DYNC1I2: variants seen among roughly 807,000 people sequenced by gnomAD.
DYNC1I2 encodes the protein cytoplasmic dynein 1 intermediate chain 2.
Under a neutral mutation model 88.6 loss-of-function variants are expected in DYNC1I2, and 53 were observed. That is an observed-to-expected ratio of 0.60 (90% CI 0.48 to 0.75). The LOEUF (loss-of-function observed/expected upper bound fraction) is 0.75, where lower values mean the gene tolerates loss of function less well. Among genes scored for constraint, DYNC1I2 ranks in the 30% least tolerant of loss-of-function variants. DYNC1I2 has a pLI of 0.00. For missense variants in DYNC1I2, 458 were observed against 766.6 expected (o/e 0.60, Z 4.75); for synonymous variants, 198 against 254.6 (o/e 0.78, Z 2.12).
intron 12 of DYNC1I2, 95 bp downstream of exon 12, chr2:171,728,062 C>A: frequency 7.2e-7 from 1 of 1,389,870 alleles, no homozygotes; most frequent in Middle Eastern, 1.9e-4. Context: ...TCAGAATGTG[C>A]TTCCTTTGGT....
At chr2:171,692,702 T>C in intron 2 of DYNC1I2, 75 bp from the exon 3 acceptor site, 1 of 994,758 alleles carries the variant, frequency 1.0e-6, no homozygotes, top group Non-Finnish European at 1.5e-6. Flanking sequence ...AGTGTTAGCA[T>C]ATTATTTAAA....
rs529764974 is a variant in DYNC1I2, at chr2:171,707,179, G to GT, written c.245-101dup. The GT allele has an allele frequency of 2.0e-4, 309 of 1,521,722 alleles. 1 individual carries two copies. In the South Asian group the frequency reaches 3.1e-3, roughly 15 times the overall value. 94.3% of individuals were successfully genotyped at this position (1,521,722 alleles called of 1,614,324 possible). ...TATTTTTGATTTTTGGTTTGCCATTGTTTTTTTCTTTTTTGTTAATTACTT... is the reference window on the plus strand; with the variant it reads ...TATTTTTGATTTTTGGTTTGCCATTGTTTTTTTTCTTTTTTGTTAATTACTT... On this transcript the variant is annotated intron_variant, in intron 4 of 17. Transcript: ENST00000397119.
chr2:171,693,548 A>G (rs1685543130), intron 3 of DYNC1I2, among the ~76,000 whole-genome samples: 1 of 152,212 alleles, frequency 6.6e-6, no homozygotes, highest in Non-Finnish European at 1.5e-5. Context: ...ATTATGTAGT[A>G]TTTTAGTTTA....
chr2:171,701,907 A>G (rs1186024839), intron 3 of DYNC1I2, among the ~76,000 whole-genome samples: 1 of 152,216 alleles, frequency 6.6e-6, no homozygotes, highest in Non-Finnish European at 1.5e-5. Context: ...GTTGTGAACT[A>G]TTTGACTTCA....
rs555578576 is a variant in DYNC1I2, at chr2:171,731,549, TC to T, written c.1536+1697del. On this transcript the variant is annotated intron_variant, in intron 15 of 17. Coordinates refer to ENST00000397119, the MANE Select transcript of DYNC1I2 (RefSeq NM_001378.3). ...AGAAGGATTACTTGAGCCCAGGAGT[TC>T]AAGACCAGTTTGGGTAACACAAGGA... Among the ~76,000 whole-genome samples, 161 of 152,270 alleles carry T rather than the reference TC, an allele frequency of 1.1e-3. 1 individual carries two copies. Among genetic ancestry groups the T allele is most frequent in the African/African-American group, 3.6e-3 (150 of 41,558 alleles).
At chr2:171,706,708 C>G (rs1258904253) in intron 4 of DYNC1I2, 144 bp downstream of exon 4, 10 of 691,426 alleles carry the variant, frequency 1.4e-5, no homozygotes, top group East Asian at 2.9e-5. Flanking sequence ...TTTAAAGGAG[C>G]CATTCCTTTA....
At chr2:171,741,241 T>G (rs1277008192) in intron 15 of DYNC1I2, among the ~76,000 whole-genome samples, 1 of 152,220 alleles carries the variant, frequency 6.6e-6, no homozygotes, top group Non-Finnish European at 1.5e-5. Context: ...GCTTTTTGGC[T>G]ATTATGAATC....
chr2:171,743,908 G>C (rs954439145), intron 15 of DYNC1I2, 141 bp from the exon 16 acceptor site: 2 of 687,668 alleles, frequency 2.9e-6, no homozygotes, highest in African/African-American at 3.7e-5. Flanking sequence ...CAAATTGTAG[G>C]AACTTTTTCT....
At chr2:171,694,778 G>A (rs1292219646) in intron 3 of DYNC1I2, among the ~76,000 whole-genome samples, 2 of 152,174 alleles carry the variant, frequency 1.3e-5, no homozygotes, top group Non-Finnish European at 2.9e-5. Flanking sequence ...GCAAAGGGGC[G>A]TCAGCATGTC....
chr2:171,742,053 G>A (rs186132121), intron 15 of DYNC1I2, among the ~76,000 whole-genome samples: 148 of 146,778 alleles, frequency 1.0e-3, no homozygotes, highest in Non-Finnish European at 1.8e-3. Context: ...GCGACAGAGC[G>A]AGACGCGGTC....
chr2:171,729,623 C>CTGATATA, intron 14 of DYNC1I2, 86 bp from the exon 15 acceptor site: 1 of 1,422,238 alleles, frequency 7.0e-7, no homozygotes, highest in Non-Finnish European at 9.7e-7. Flanking sequence ...AAGTCAAGGC[C>CTGATATA]TGATATATAA....
At chr2:171,721,110 A>T (rs567405662) in intron 7 of DYNC1I2, among the ~76,000 whole-genome samples, 2 of 132,444 alleles carry the variant, frequency 1.5e-5, no homozygotes, top group South Asian at 5.3e-4. Context: ...ACATAGCAAG[A>T]CCCCATCTCT....
intron 6 of DYNC1I2, 34 bp downstream of exon 6, chr2:171,712,860 T>C: frequency 1.3e-6 from 2 of 1,562,426 alleles, no homozygotes; most frequent in South Asian, 1.1e-5. Context: ...CCCTGTTTTA[T>C]AATGAATTTG....
chr2:171,708,621 T>G (rs1359803486), intron 5 of DYNC1I2, among the ~76,000 whole-genome samples: 1 of 152,176 alleles, frequency 6.6e-6, no homozygotes, highest in East Asian at 1.9e-4. Context: ...CTAGTGTAAA[T>G]TCATTTTTAT....
chr2:171,696,771 C>T (rs1445090446), intron 3 of DYNC1I2, among the ~76,000 whole-genome samples: 2 of 151,992 alleles, frequency 1.3e-5, no homozygotes, highest in Non-Finnish European at 2.9e-5. Flanking sequence ...TCTCTATTTT[C>T]ACTATGAATC....
intron 5 of DYNC1I2, among the ~76,000 whole-genome samples, chr2:171,711,471 A>G (rs1031422007): frequency 1.2e-4 from 18 of 152,236 alleles, no homozygotes; most frequent in African/African-American, 1.9e-4. Context: ...GACTAAAATG[A>G]CATCCTCAAC....
At chr2:171,744,445 C>T (rs1447676363) in intron 16 of DYNC1I2, among the ~76,000 whole-genome samples, 1 of 152,166 alleles carries the variant, frequency 6.6e-6, no homozygotes, top group African/African-American at 2.4e-5. Flanking sequence ...TCTCTAATGT[C>T]CTGGCAAAGT....
At chr2:171,719,176 G>GA (rs1021486112) in intron 7 of DYNC1I2, among the ~76,000 whole-genome samples, 5 of 149,852 alleles carry the variant, frequency 3.3e-5, no homozygotes, top group Admixed American at 2.0e-4. Context: ...AAGGAGAAGG[G>GA]AAAAAAAAGC....
At chr2:171,708,074 C>CACACAA (rs1469604826) in intron 5 of DYNC1I2, among the ~76,000 whole-genome samples, 1 of 151,798 alleles carries the variant, frequency 6.6e-6, no homozygotes, top group Non-Finnish European at 1.5e-5. Context: ...CTCTCACACA[C>CACACAA]ACACACACAC....
Sources: gnomAD v4.1 joint callset for allele counts (sites outside exome capture counted in the v4.1 genomes callset) on GRCh38, gnomAD v4.1.1 for gene constraint, MANE v1.5 for transcripts, NCBI Gene and HGNC (gene_info 2026-07-23, HGNC 2026-07-21) for gene names.